The following TIAM2 variants were observed in gnomAD, a reference collection of about 807,000 sequenced individuals.
TIAM2 encodes TIAM Rac1 associated GEF 2.
In TIAM2, 80 loss-of-function variants were observed where a neutral mutation model predicts 152.9. The observed-to-expected ratio is 0.52, with a 90% CI of 0.44 to 0.63. TIAM2 has a LOEUF of 0.63. Among genes scored for constraint, TIAM2 ranks in the 30% least tolerant of loss-of-function variants. The pLI is 0.00. For synonymous variants in TIAM2, 804 were observed against 838.0 expected (o/e 0.96, Z 0.70); for missense variants, 1,965 against 2,120.1 (o/e 0.93, Z 1.44).
chr6:155,248,246 CT>C, intron 20 of TIAM2, 67 bp downstream of exon 20: 3 of 1,518,212 alleles, frequency 2.0e-6, no homozygotes, highest in Non-Finnish European at 2.7e-6. Flanking sequence ...CAGCCGTGCC[CT>C]GGGCCTGACA....
At chr6:155,054,587 GTTTT>G (rs1055685024) in intron 1 of TIAM2, among the ~76,000 whole-genome samples, 3,141 of 115,936 alleles carry the variant, frequency 0.027, 118 homozygotes, top group African/African-American at 0.079. Context: ...GTTTTGTTTT[GTTTT>G]TTTTTTTTGA....
chr6:155,236,532 G>A (rs1782767660), intron 15 of TIAM2, among the ~76,000 whole-genome samples: 1 of 152,008 alleles, frequency 6.6e-6, no homozygotes, highest in Non-Finnish European at 1.5e-5. Context: ...GTGTGGTGGT[G>A]GGCACTTGTA....
intron 6 of TIAM2, 149 bp downstream of exon 6, chr6:155,144,927 G>T (rs1779788915): frequency 1.2e-6 from 1 of 862,694 alleles, no homozygotes; most frequent in Admixed American, 3.0e-5. Flanking sequence ...GGCTTCCGCT[G>T]ACTGCCAAGG....
intron 1 of TIAM2, among the ~76,000 whole-genome samples, chr6:154,996,075 G>A (rs7753908): frequency 1.3e-5 from 2 of 152,208 alleles, no homozygotes; most frequent in South Asian, 4.1e-4. Flanking sequence ...CTCCTGGGGG[G>A]GCTGAGGTGC....
chr6:155,249,498 T>C (rs750892325), intron 20 of TIAM2, among the ~76,000 whole-genome samples: 1 of 152,180 alleles, frequency 6.6e-6, no homozygotes, highest in Non-Finnish European at 1.5e-5. Context: ...ATGGGATGGT[T>C]TAGTCTTTGA....
At chr6:155,228,859 G>A (rs1225407642) in intron 15 of TIAM2, among the ~76,000 whole-genome samples, 1 of 152,174 alleles carries the variant, frequency 6.6e-6, no homozygotes. Context: ...GGGAGCAGGG[G>A]TCCTCCCTGT....
At chr6:155,217,230 T>C (rs1781882049) in intron 15 of TIAM2, 2 of 902,534 alleles carry the variant, frequency 2.2e-6, no homozygotes, top group Non-Finnish European at 3.0e-6. Flanking sequence ...TGAGAAGAGA[T>C]GCCTTTCTCC....
intron 1 of TIAM2, among the ~76,000 whole-genome samples, chr6:155,087,889 A>G (rs1778208272): frequency 6.6e-6 from 1 of 152,156 alleles, no homozygotes; most frequent in South Asian, 2.1e-4. Context: ...CAAATCTCTG[A>G]ACTAATTATG....
rs988886760 is a variant in TIAM2 at position 155,214,831 on chromosome 6, G to T, written c.3168+3524G>T. Among the ~76,000 whole-genome samples the T allele has an allele frequency of 6.6e-6, 1 of 152,022 alleles. No individual in the cohort carries two copies. Among genetic ancestry groups the T allele is most frequent in the Admixed American group, 6.6e-5 (1 of 15,254 alleles). ...TTATTTTAATAATACAATAGATATG[G>T]GGTCTCACTATGTTGCTGAGGCTGG... is the stretch of plus-strand genomic sequence containing the variant. On this transcript the variant is annotated intron_variant, in intron 15 of 26. Coordinates refer to ENST00000682666, the MANE Select transcript of TIAM2 (RefSeq NM_012454.4). This position sits in a 1 kb window ranked among gnomAD's most constrained non-coding sequence, Gnocchi z 5.4.
chr6:155,059,506 G>A (rs1203101652), intron 1 of TIAM2, among the ~76,000 whole-genome samples: 1 of 151,972 alleles, frequency 6.6e-6, no homozygotes, highest in Non-Finnish European at 1.5e-5. Context: ...AGCCGAGATC[G>A]GGTTTCGCCA....
chr6:155,005,118 G>C (rs1286870818), intron 1 of TIAM2: 6 of 248,162 alleles, frequency 2.4e-5, no homozygotes, highest in Non-Finnish European at 5.0e-5. Context: ...CCAAGGCAAG[G>C]CTCTCTCCAA....
At chr6:155,029,464 A>G (rs368784228) in intron 1 of TIAM2, among the ~76,000 whole-genome samples, 2,296 of 11,924 alleles carry the variant, frequency 0.19, 493 homozygotes, top group Middle Eastern at 0.4. Flanking sequence ...ATTATATATA[A>G]TATATACTAT....
At chr6:155,000,743 G>A (rs1352696465) in intron 1 of TIAM2, among the ~76,000 whole-genome samples, 1 of 152,162 alleles carries the variant, frequency 6.6e-6, no homozygotes, top group Non-Finnish European at 1.5e-5. Flanking sequence ...CCAGTACTCT[G>A]GGAGGCCGAC....
chr6:155,243,460 G>A (rs1363815202), intron 16 of TIAM2, among the ~76,000 whole-genome samples: 1 of 152,178 alleles, frequency 6.6e-6, no homozygotes, highest in African/African-American at 2.4e-5. Flanking sequence ...GGGAATGATC[G>A]AGCTGTAAAG....
intron 9 of TIAM2, among the ~76,000 whole-genome samples, chr6:155,167,778 T>C (rs2115106382): frequency 6.6e-6 from 1 of 152,332 alleles, no homozygotes; most frequent in South Asian, 2.1e-4. Flanking sequence ...ATTACAGGTC[T>C]GAGCCATAAC....
rs190031671 is a variant in TIAM2, at chr6:155,245,482, T to C, written c.3544-141T>C. The C allele has an allele frequency of 1.3e-3, 901 of 689,282 alleles. 4 individuals are homozygous for C. The highest frequency in any genetic ancestry group is 2.1e-4 in the Non-Finnish European group (85 of 400,982). 42.7% of individuals were successfully genotyped at this position (689,282 alleles called of 1,614,324 possible). On this transcript the variant is annotated intron_variant, in intron 18 of 26. Coordinates refer to ENST00000682666, the MANE Select transcript of TIAM2 (RefSeq NM_012454.4). ...AGCGCCTGGGCTGTTCCCCACCTCCTGTGTGGATGGAGCAGGTTTGAACTT... is the reference window on the plus strand; with the variant it reads ...AGCGCCTGGGCTGTTCCCCACCTCCCGTGTGGATGGAGCAGGTTTGAACTT...
In TIAM2 at chr6:155,240,700, C is replaced by A. The variant is rs1782989568; in HGVS notation, c.3339C>A (p.Ser1113=). ...VIQELVDTEK[S]YVKDLSCLFE... The stretch of plus-strand genomic sequence containing the variant: ...AGGAGCTTGTGGACACAGAGAAGTC[C>A]TACGTGAAGGTAAGGGAAGAGCTGG... Residue 1113 remains serine (S), a synonymous_variant, in exon 16 of 27, where the codon TCC becomes TCA. Transcript: ENST00000682666. 5.0e-6 allele frequency: 8 copies of A among 1,611,502 alleles called. No homozygotes were observed. The highest frequency in any genetic ancestry group is 6.8e-6 in the Non-Finnish European group (8 of 1,179,220).
chr6:155,210,583 C>T (rs146510555), intron 14 of TIAM2, among the ~76,000 whole-genome samples: 2 of 152,048 alleles, frequency 1.3e-5, no homozygotes, highest in South Asian at 2.1e-4. Flanking sequence ...GTGATTCTCT[C>T]GCCTTGGCCT....
chr6:155,252,047 T>C lies in TIAM2; in HGVS notation c.4119+44T>C, dbSNP rs757396552. 3.4e-6 allele frequency: 5 copies of C among 1,476,186 alleles called. No individual in the cohort carries two copies. In the Admixed American group the frequency reaches 7.6e-5, roughly 22 times the overall value. The allele number at this position is 1,476,186 out of a possible 1,614,324, so 91.4% of individuals were successfully genotyped here. ...TTAATTTAAGCTACCTTTTCATAGC[T>C]GTATCTTCCTATTAACGTTGAACTG... On this transcript the variant is annotated intron_variant, in intron 23 of 26. Transcript: ENST00000682666.
Sources: allele counts gnomAD v4.1 joint callset (sites outside exome capture counted in the v4.1 genomes callset), GRCh38; gene constraint gnomAD v4.1.1; non-coding constraint Gnocchi (gnomAD v3.1); transcripts MANE v1.5; gene names NCBI Gene and HGNC (gene_info 2026-07-23, HGNC 2026-07-21).